ITGB1: variants seen among roughly 807,000 people sequenced by gnomAD.
ITGB1 encodes the protein integrin subunit beta 1.
A neutral mutation model predicts 86.5 loss-of-function variants in ITGB1; 24 were observed. The ratio of observed to expected loss-of-function variants is 0.28; its 90% CI spans 0.20 to 0.39. ITGB1 has a LOEUF of 0.39. Ranked by LOEUF, ITGB1 falls within the 10% of genes least tolerant of loss-of-function variation. ITGB1 has a pLI of 1.00. For missense variants in ITGB1, 556 were observed against 946.9 expected, an observed-to-expected ratio of 0.59 and a Z score of 5.42; for synonymous variants, 323 against 316.8, an observed-to-expected ratio of 1.02 and a Z score of -0.21.
chr10:32,938,077 T>C lies in ITGB1; in HGVS notation c.1-2519A>G, dbSNP rs148654663. ...GCCTGAGCTTGCAGTTTTGCTTACA[T>C]ATCACTTGTGACTGTATCCAAGAGA... On this transcript the variant is annotated intron_variant, in intron 1 of 15. Transcript: ENST00000302278. Among the ~76,000 whole-genome samples, 1,257 of 152,324 alleles carry C rather than the reference T, an allele frequency of 8.3e-3. 16 individuals carry two copies. Among genetic ancestry groups the C allele is most frequent in the African/African-American group, 0.029 (1,206 of 41,568 alleles).
At chr10:32,953,504 T>C (rs1275386240) in intron 1 of ITGB1, 1 of 150,578 alleles carries the variant, frequency 6.6e-6, no homozygotes, top group Non-Finnish European at 1.5e-5. Flanking sequence ...CAGGTATCCT[T>C]AACAGAGTAA....
At chr10:32,936,803 A>G (rs1054722442) in intron 1 of ITGB1, among the ~76,000 whole-genome samples, 2 of 152,234 alleles carry the variant, frequency 1.3e-5, no homozygotes, top group African/African-American at 2.4e-5. Context: ...ATAATTATAT[A>G]TAAGTATCTG....
At chr10:32,951,947 T>A (rs1267040363) in intron 1 of ITGB1, among the ~76,000 whole-genome samples, 1 of 152,198 alleles carries the variant, frequency 6.6e-6, no homozygotes, top group Admixed American at 6.5e-5. Flanking sequence ...AACTGCGTAA[T>A]TATATCCACT....
Position 32,929,963 on chromosome 10 carries a change from C to G in ITGB1, c.235G>C (p.Asp79His). The change falls in exon 4 of 16, where the codon GAC becomes CAC. Residue 79 changes from aspartate to histidine, a missense_variant. Physicochemically the swap from Asp to His is moderately conservative, Grantham distance 81. Around this residue, in one of 4 missense-constraint regions of ITGB1, gnomAD observed 183 missense variants for 263.9 expected, o/e 0.69. Transcript: ENST00000302278. The part of the protein sequence containing the change: ...ALKKKGCPPD[D>H]IENPRGSKDI... ...TTGGAGCCTCTGGGATTTTCTATGTCATCTGGAGGGCAACCCTTCTTTTTT... is the reference window on the plus strand; with the variant it reads ...TTGGAGCCTCTGGGATTTTCTATGTGATCTGGAGGGCAACCCTTCTTTTTT... The G allele has an allele frequency of 7.5e-7, 1 of 1,326,520 alleles. No individual in the cohort carries two copies. Among genetic ancestry groups the G allele is most frequent in the African/African-American group, 1.4e-5 (1 of 69,622 alleles). The allele number at this position is 1,326,520 out of a possible 1,614,324, so 82.2% of individuals were successfully genotyped here. A position where few individuals can be genotyped will look rare whatever the true frequency, so the allele number is the denominator to read the frequency against.
chr10:32,943,785 G>C (rs1290137651), intron 1 of ITGB1, among the ~76,000 whole-genome samples: 1 of 152,164 alleles, frequency 6.6e-6, no homozygotes, highest in African/African-American at 2.4e-5. Context: ...CCCAGGAAAA[G>C]AGAGAGACAC....
intron 6 of ITGB1, 113 bp from the exon 7 acceptor site, chr10:32,923,853 G>T: frequency 1.2e-6 from 1 of 851,280 alleles, no homozygotes; most frequent in Non-Finnish European, 1.8e-6. Flanking sequence ...TGTATTTTCT[G>T]TGTCTTCTCT....
At position 32,913,370 on chromosome 10, in the gene ITGB1, C is replaced by T. The variant is rs191157772; in HGVS notation, c.1470-1246G>A. 2.5e-4 allele frequency among the ~76,000 whole-genome samples: 38 copies of T among 152,080 alleles called. No homozygotes were observed. In the South Asian group the frequency reaches 4.0e-3, roughly 16 times the overall value. On this transcript the variant is annotated intron_variant, in intron 11 of 15. Coordinates refer to ENST00000302278, the MANE Select transcript of ITGB1 (RefSeq NM_002211.4). ...GATAATCGGTAATAACAAACTTGTC[C>T]GAGCTAAAGGAGGATATTCAAACCC...
rs560200260 is a variant in ITGB1, at chr10:32,926,334, A to G, written c.548-225T>C. 3.4e-4 allele frequency among the ~76,000 whole-genome samples: 52 copies of G among 152,326 alleles called. No individual in the cohort carries two copies. The East Asian group carries it at 3.5e-3, about 10-fold the overall frequency. ...ATTAGATCATGAGGGCAGAGCCCTCATGAATGGGATTAGTAACTGATACAG... is the reference window on the plus strand; with the variant it reads ...ATTAGATCATGAGGGCAGAGCCCTCGTGAATGGGATTAGTAACTGATACAG... On this transcript the variant is annotated intron_variant, in intron 5 of 15. Coordinates refer to ENST00000302278, the MANE Select transcript of ITGB1 (RefSeq NM_002211.4).
intron 1 of ITGB1, among the ~76,000 whole-genome samples, chr10:32,956,551 T>TA: frequency 6.6e-6 from 1 of 151,710 alleles, no homozygotes; most frequent in African/African-American, 2.4e-5. Context: ...CTACAAAAAA[T>TA]AAAAAAATTA....
At chr10:32,915,193 A>T (rs1349878984) in intron 11 of ITGB1, among the ~76,000 whole-genome samples, 1 of 152,228 alleles carries the variant, frequency 6.6e-6, no homozygotes, top group Non-Finnish European at 1.5e-5. Flanking sequence ...TATAGCACTA[A>T]ATGCCCACAA....
At chr10:32,924,362 ATCT>A (rs1489277415) in intron 6 of ITGB1, among the ~76,000 whole-genome samples, 4 of 152,340 alleles carry the variant, frequency 2.6e-5, no homozygotes, top group South Asian at 4.1e-4. Flanking sequence ...TAACTGTAAA[ATCT>A]TCTTGTCACT....
At chr10:32,901,704 A>G in intron 15 of ITGB1, 69 bp from the exon 16 acceptor site, 1 of 1,008,320 alleles carries the variant, frequency 9.9e-7, no homozygotes, top group Non-Finnish European at 1.5e-6. Context: ...AATTTTTATA[A>G]ATCAAGACTA....
intron 6 of ITGB1, 126 bp from the exon 7 acceptor site, chr10:32,923,866 A>T: frequency 1.3e-6 from 1 of 743,302 alleles, no homozygotes; most frequent in South Asian, 2.0e-5. Context: ...TCTTCTCTTT[A>T]TACAATGGTA....
At chr10:32,908,025 G>A (rs373985500) in intron 15 of ITGB1, among the ~76,000 whole-genome samples, 60 of 152,132 alleles carry the variant, frequency 3.9e-4, no homozygotes, top group African/African-American at 1.4e-3. Context: ...AAAGAAAGAA[G>A]CAGCTTTCCA....
intron 6 of ITGB1, among the ~76,000 whole-genome samples, chr10:32,924,149 C>T (rs973180310): frequency 3.3e-5 from 5 of 152,178 alleles, no homozygotes; most frequent in Non-Finnish European, 7.3e-5. Flanking sequence ...CCCACTGCTG[C>T]TGTCTTGTCC....
intron 1 of ITGB1, among the ~76,000 whole-genome samples, chr10:32,948,820 G>A (rs2095037166): frequency 6.6e-6 from 1 of 152,102 alleles, no homozygotes; most frequent in Non-Finnish European, 1.5e-5. Context: ...GTGGCATTCT[G>A]TTATAGCAGC....
chr10:32,919,481 T>C (rs2094942025), intron 11 of ITGB1, among the ~76,000 whole-genome samples: 1 of 152,218 alleles, frequency 6.6e-6, no homozygotes, highest in African/African-American at 2.4e-5. Flanking sequence ...CATCTTCTAC[T>C]GCTTCATAAT....
At chr10:32,944,606 G>T in intron 1 of ITGB1, 1 of 566,024 alleles carries the variant, frequency 1.8e-6, no homozygotes, top group Non-Finnish European at 3.4e-6. Flanking sequence ...GACTCAGCTG[G>T]CCCTATATGA....
At chr10:32,932,494 G>A in intron 3 of ITGB1, 21 bp downstream of exon 3, 1 of 1,415,894 alleles carries the variant, frequency 7.1e-7, no homozygotes, top group South Asian at 1.2e-5. Context: ...AAATGGAAAG[G>A]ACTTGAGCAA....
Sources: gnomAD v4.1 joint callset for allele counts (sites outside exome capture counted in the v4.1 genomes callset) on GRCh38, gnomAD v4.1.1 for gene constraint, gnomAD v4.1.1 regional missense constraint, MANE v1.5 for transcripts, NCBI Gene and HGNC (gene_info 2026-07-23, HGNC 2026-07-21) for gene names.